Variants in CACNA2D2 observed in about 807,000 individuals in gnomAD.
CACNA2D2 encodes voltage-dependent calcium channel subunit alpha-2/delta-2.
In CACNA2D2, 48 loss-of-function variants were observed where a neutral mutation model predicts 166.4. That is an observed-to-expected ratio of 0.29 (90% confidence interval 0.23 to 0.37). CACNA2D2 has a LOEUF of 0.37. Ranked by LOEUF, CACNA2D2 falls within the 10% of genes least tolerant of loss-of-function variation. The probability of loss-of-function intolerance (pLI) is 1.00; values close to 1 mark genes in which losing one functional copy is unlikely to be tolerated. For missense variants in CACNA2D2, 1,122 were observed against 1,433.0 expected (o/e 0.78, Z 3.50); for synonymous variants, 561 against 573.7 (o/e 0.98, Z 0.32).
chr3:50,408,090 T>C (rs1706810738), intron 3 of CACNA2D2, among the ~76,000 whole-genome samples: 1 of 152,214 alleles, frequency 6.6e-6, no homozygotes, highest in Non-Finnish European at 1.5e-5. Flanking sequence ...CCAATCATTA[T>C]TCCCATTCCC....
chr3:50,381,344 C>G (rs748410464), intron 6 of CACNA2D2, among the ~76,000 whole-genome samples: 9 of 152,082 alleles, frequency 5.9e-5, no homozygotes, highest in Non-Finnish European at 1.0e-4. Context: ...AGGAACAGTT[C>G]AGCCTACTCT....
chr3:50,370,702 G>A (rs1448351620), intron 22 of CACNA2D2, among the ~76,000 whole-genome samples: 1 of 151,712 alleles, frequency 6.6e-6, no homozygotes, highest in Non-Finnish European at 1.5e-5. Context: ...ACATATACAC[G>A]GACACACACA....
intron 2 of CACNA2D2, among the ~76,000 whole-genome samples, chr3:50,450,267 T>C (rs1709035221): frequency 6.6e-6 from 1 of 151,990 alleles, no homozygotes; most frequent in Non-Finnish European, 1.5e-5. Context: ...TCGGGTCAGG[T>C]GAGGCAGTCC....
At chr3:50,436,307 C>G (rs1005903347) in intron 2 of CACNA2D2, among the ~76,000 whole-genome samples, 7 of 152,244 alleles carry the variant, frequency 4.6e-5, no homozygotes, top group Non-Finnish European at 1.0e-4. Flanking sequence ...ACCTCAGACT[C>G]TGTCAAGGTC....
At chr3:50,404,533 T>C (rs759261915) in intron 3 of CACNA2D2, among the ~76,000 whole-genome samples, 15 of 152,132 alleles carry the variant, frequency 9.9e-5, no homozygotes, top group Non-Finnish European at 1.8e-4. Flanking sequence ...GCCAGATCAG[T>C]GCATTCTCCT....
intron 2 of CACNA2D2, among the ~76,000 whole-genome samples, chr3:50,468,440 T>TGTGTGTGTGG (rs1427320069): frequency 6.9e-6 from 1 of 143,968 alleles, no homozygotes; most frequent in African/African-American, 2.6e-5. Context: ...TGTGTGTGTG[T>TGTGTGTGTGG]GGCTTTAGGA....
chr3:50,451,374 C>G (rs886705140), intron 2 of CACNA2D2, among the ~76,000 whole-genome samples: 1 of 152,140 alleles, frequency 6.6e-6, no homozygotes, highest in Non-Finnish European at 1.5e-5. Flanking sequence ...GATCTGCCCA[C>G]CTCGGCCTCC....
intron 1 of CACNA2D2, among the ~76,000 whole-genome samples, chr3:50,480,423 A>G (rs1697993955): frequency 6.6e-6 from 1 of 151,944 alleles, no homozygotes; most frequent in Non-Finnish European, 1.5e-5. Context: ...CCTAAGACCT[A>G]AGGACTTATT....
chr3:50,406,058 T>A (rs1706694353), intron 3 of CACNA2D2, among the ~76,000 whole-genome samples: 2 of 151,780 alleles, frequency 1.3e-5, no homozygotes, highest in Admixed American at 1.3e-4. Flanking sequence ...GGAGCCCTAT[T>A]CAGGTCAGAG....
chr3:50,403,429 C>G (rs1373637529), intron 3 of CACNA2D2, among the ~76,000 whole-genome samples: 1 of 152,180 alleles, frequency 6.6e-6, no homozygotes, highest in Non-Finnish European at 1.5e-5. Context: ...CTCCTCAGCA[C>G]CAACTTCGCT....
At chr3:50,368,494 C>A (rs72934811) in intron 23 of CACNA2D2, among the ~76,000 whole-genome samples, 1 of 152,156 alleles carries the variant, frequency 6.6e-6, no homozygotes, top group Non-Finnish European at 1.5e-5. Context: ...TCCGCAGAGC[C>A]TCCCGTCTCT....
rs1172710696 is a variant in CACNA2D2, at chr3:50,363,941, C to T, written c.*725G>A. On this transcript the variant is annotated 3_prime_UTR_variant, in exon 38 of 38. Coordinates refer to ENST00000424201, the MANE Select transcript of CACNA2D2 (RefSeq NM_006030.4). ...AGTGTGCAGGTGCCAACCCTCCCAC[C>T]AACCCCTCGCCCTGTGTAAGGCTTT... is the stretch of plus-strand genomic sequence containing the variant. 1 of 152,580 alleles carries T rather than the reference C, an allele frequency of 6.6e-6. No individual in the cohort carries two copies. The highest frequency in any genetic ancestry group is 6.5e-5 in the Admixed American group (1 of 15,292). The allele number at this position is 152,580 out of a possible 1,614,324, so 9.5% of individuals were successfully genotyped here.
At chr3:50,377,190 G>A (rs1452691710) in intron 17 of CACNA2D2, among the ~76,000 whole-genome samples, 6 of 152,172 alleles carry the variant, frequency 3.9e-5, no homozygotes, top group Non-Finnish European at 7.3e-5. Flanking sequence ...TTTATGTTTT[G>A]TTTGTGGCTG....
intron 1 of CACNA2D2, among the ~76,000 whole-genome samples, chr3:50,479,172 T>C (rs1482974314): frequency 6.6e-6 from 1 of 152,168 alleles, no homozygotes; most frequent in East Asian, 1.9e-4. Flanking sequence ...TCTCCCTCCC[T>C]CCTTGTCTCT....
chr3:50,383,098 A>T (rs1397056243), intron 6 of CACNA2D2, among the ~76,000 whole-genome samples: 1 of 152,204 alleles, frequency 6.6e-6, no homozygotes. Context: ...TATAAAATGC[A>T]ATTTATGTGG....
intron 4 of CACNA2D2, among the ~76,000 whole-genome samples, chr3:50,388,927 T>C (rs1705746805): frequency 6.6e-6 from 1 of 152,236 alleles, no homozygotes; most frequent in Non-Finnish European, 1.5e-5. Context: ...CACAACTTCC[T>C]GAGGAATGTA....
chr3:50,472,544 G>C (rs989935810), intron 2 of CACNA2D2, among the ~76,000 whole-genome samples: 1 of 152,166 alleles, frequency 6.6e-6, no homozygotes, highest in Admixed American at 6.5e-5. Flanking sequence ...GTGTCTCTCC[G>C]AGGTCAGGAA....
rs1200294228 is a variant in CACNA2D2 at position 50,363,538 on chromosome 3, G to T, written c.*1128C>A. 2.3e-5 allele frequency: 8 copies of T among 352,240 alleles called. No individual in the cohort carries two copies. The highest frequency in any genetic ancestry group is 3.5e-5 in the Non-Finnish European group (7 of 198,498). The allele number at this position is 352,240 out of a possible 1,614,324, so 21.8% of individuals were successfully genotyped here. ...GGCCTCCTGCAAGCAGGGAGTGTGT[G>T]TGTAGGGGTGGGAAGGAGATAGGGA... is the stretch of plus-strand genomic sequence containing the variant. On this transcript the variant is annotated 3_prime_UTR_variant, in exon 38 of 38. Coordinates refer to ENST00000424201, the MANE Select transcript of CACNA2D2 (RefSeq NM_006030.4).
chr3:50,404,934 GTATT>G (rs1706627622), intron 3 of CACNA2D2, among the ~76,000 whole-genome samples: 1 of 152,188 alleles, frequency 6.6e-6, no homozygotes, highest in Non-Finnish European at 1.5e-5. Flanking sequence ...GCATGGGAAT[GTATT>G]CCCACCTGAA....
Sources: gnomAD v4.1 joint callset for allele counts (sites outside exome capture counted in the v4.1 genomes callset) on GRCh38, gnomAD v4.1.1 for gene constraint, MANE v1.5 for transcripts, NCBI Gene and HGNC (gene_info 2026-07-23, HGNC 2026-07-21) for gene names.